Variants in FMNL2 observed in about 807,000 individuals in gnomAD.
The protein encoded by FMNL2 is formin-like protein 2.
In FMNL2, 51 loss-of-function variants were observed where a neutral mutation model predicts 130.2. The ratio of observed to expected loss-of-function variants is 0.39; its 90% CI spans 0.31 to 0.49. The LOEUF (loss-of-function observed/expected upper bound fraction) is 0.49. FMNL2 is among the 20% of genes least tolerant of loss of function. The probability of loss-of-function intolerance (pLI) is 0.85; values close to 1 mark genes in which losing one functional copy is unlikely to be tolerated. For missense variants in FMNL2, 977 were observed against 1,316.2 expected, an observed-to-expected ratio of 0.74 and a Z score of 3.99; for synonymous variants, 465 against 467.1, an observed-to-expected ratio of 1.00 and a Z score of 0.06.
Position 152,504,891 on chromosome 2 carries a change from C to G in FMNL2, c.118-17052C>G, listed in dbSNP as rs1240425932. ...GTTCTAGAAGGTGAATGCTGTCATT[C>G]ATGTTCATCTTAGGCCTTAAATGTA... is the stretch of plus-strand genomic sequence containing the variant. On this transcript the variant is annotated intron_variant, in intron 1 of 25. Transcript: ENST00000288670. Among the ~76,000 whole-genome samples the G allele has an allele frequency of 3.9e-5, 6 of 152,138 alleles. No individual in the cohort carries two copies. The East Asian group carries it at 1.2e-3, about 29-fold the overall frequency.
intron 1 of FMNL2, among the ~76,000 whole-genome samples, chr2:152,373,799 A>T (rs1684020159): frequency 6.9e-6 from 1 of 145,476 alleles, no homozygotes; most frequent in Non-Finnish European, 1.5e-5. Flanking sequence ...GGCTGACTGT[A>T]TTTTTTTTTT....
chr2:152,546,634 C>T (rs1449677133), intron 3 of FMNL2, among the ~76,000 whole-genome samples: 2 of 152,106 alleles, frequency 1.3e-5, no homozygotes, highest in Non-Finnish European at 2.9e-5. Flanking sequence ...GTCAGAAGTG[C>T]ACATAACACA....
At chr2:152,433,989 T>A (rs903038978) in intron 1 of FMNL2, among the ~76,000 whole-genome samples, 2 of 152,164 alleles carry the variant, frequency 1.3e-5, no homozygotes, top group Admixed American at 1.3e-4. Context: ...CTGGTACTAT[T>A]AATGTCATGC....
intron 23 of FMNL2, among the ~76,000 whole-genome samples, chr2:152,638,761 A>G (rs745539852): frequency 6.6e-6 from 1 of 152,212 alleles, no homozygotes; most frequent in Non-Finnish European, 1.5e-5. Flanking sequence ...TGGTAGCCCA[A>G]GCCCACTGGC....
At chr2:152,527,057 A>G (rs1482738020) in intron 2 of FMNL2, among the ~76,000 whole-genome samples, 1 of 152,154 alleles carries the variant, frequency 6.6e-6, no homozygotes, top group East Asian at 1.9e-4. Flanking sequence ...AAACTGGAGT[A>G]GACTTTTGTT....
rs1698868777 is a variant in FMNL2, at chr2:152,614,862, C to T, written c.1074C>T (p.His358=). ...GLDEYLDKLK[H]TESDKLQVQI... ...ATTCTGGTTTTTAGAAGCTGAAACA[C>T]ACTGAGAGTGACAAGCTTCAAGTCC... Residue 358 remains histidine, a synonymous_variant, in exon 12 of 26, where the codon CAC becomes CAT. Coordinates refer to ENST00000288670, the MANE Select transcript of FMNL2 (RefSeq NM_052905.4). The T allele has an allele frequency of 6.2e-7, 1 of 1,611,092 alleles. No homozygotes were observed. The highest frequency in any genetic ancestry group is 8.5e-7 in the Non-Finnish European group (1 of 1,179,222).
At chr2:152,471,489 G>C (rs114927775) in intron 1 of FMNL2, among the ~76,000 whole-genome samples, 1,602 of 152,222 alleles carry the variant, frequency 0.011, 32 homozygotes, top group African/African-American at 0.037. Flanking sequence ...ACTGCAGGGT[G>C]CCTTAAAAAA....
At chr2:152,379,838 A>G (rs1205004922) in intron 1 of FMNL2, among the ~76,000 whole-genome samples, 2 of 152,218 alleles carry the variant, frequency 1.3e-5, no homozygotes, top group African/African-American at 4.8e-5. Flanking sequence ...AACTTCCGCT[A>G]CCAGTTTCTA....
rs1025773322 is a variant in FMNL2 at position 152,506,428 on chromosome 2, T to A, written c.118-15515T>A. On this transcript the variant is annotated intron_variant, in intron 1 of 25. Coordinates refer to ENST00000288670, the MANE Select transcript of FMNL2 (RefSeq NM_052905.4). ...CTTTAAATCATGTCTAGATTACTTA[T>A]AATACCTGATATAGTATAAATGTTA... Among the ~76,000 whole-genome samples, 4 of 123,494 alleles carry A rather than the reference T, an allele frequency of 3.2e-5. No homozygotes were observed. In the East Asian group the frequency reaches 5.8e-4, roughly 18 times the overall value. 81.0% of individuals were successfully genotyped at this position (123,494 alleles called of 152,430 possible).
chr2:152,341,489 T>C lies in FMNL2; in HGVS notation c.117+5769T>C, dbSNP rs374638297. Among the ~76,000 whole-genome samples the C allele has an allele frequency of 1.4e-4, 22 of 152,314 alleles. No homozygotes were observed. The East Asian group carries it at 3.9e-3, about 27-fold the overall frequency. On this transcript the variant is annotated intron_variant, in intron 1 of 25. Coordinates refer to ENST00000288670, the MANE Select transcript of FMNL2 (RefSeq NM_052905.4). Reference sequence around the variant, plus strand: ...CGTAAGTGATAAGAAGTACTTTGGCTTGTGGCCTGTCATTTAGCATTGGCC... The same window carrying C: ...CGTAAGTGATAAGAAGTACTTTGGCCTGTGGCCTGTCATTTAGCATTGGCC...
At chr2:152,585,105 G>C (rs1050433855) in intron 9 of FMNL2, among the ~76,000 whole-genome samples, 3 of 152,160 alleles carry the variant, frequency 2.0e-5, no homozygotes, top group Non-Finnish European at 4.4e-5. Flanking sequence ...TGAGTGTATT[G>C]AGTAGATGAA....
intron 4 of FMNL2, among the ~76,000 whole-genome samples, chr2:152,554,761 T>C (rs979162332): frequency 2.0e-5 from 3 of 152,214 alleles, no homozygotes; most frequent in Non-Finnish European, 2.9e-5. Context: ...TGAGTAAATG[T>C]CTGCCACATA....
intron 1 of FMNL2, among the ~76,000 whole-genome samples, chr2:152,350,605 G>A (rs1250503347): frequency 1.3e-5 from 2 of 152,188 alleles, no homozygotes; most frequent in Non-Finnish European, 2.9e-5. Flanking sequence ...GAAGCTATAG[G>A]TTGACCTGGG....
intron 6 of FMNL2, among the ~76,000 whole-genome samples, chr2:152,567,364 C>G (rs1269327419): frequency 6.6e-6 from 1 of 152,160 alleles, no homozygotes; most frequent in African/African-American, 2.4e-5. Flanking sequence ...ATCTGGTCCT[C>G]TAATGGGACG....
intron 1 of FMNL2, among the ~76,000 whole-genome samples, chr2:152,472,117 A>G (rs574665866): frequency 5.3e-5 from 8 of 152,330 alleles, no homozygotes; most frequent in African/African-American, 1.9e-4. Flanking sequence ...GAGTGATTTC[A>G]TTGCTTCGAT....
chr2:152,514,603 A>G (rs894548270), intron 1 of FMNL2, among the ~76,000 whole-genome samples: 1 of 152,210 alleles, frequency 6.6e-6, no homozygotes, highest in Non-Finnish European at 1.5e-5. Flanking sequence ...CTTAAATAGT[A>G]CTGAAACTAA....
chr2:152,593,858 A>AGTGTGT (rs1697582954), intron 9 of FMNL2, among the ~76,000 whole-genome samples: 1 of 101,516 alleles, frequency 9.9e-6, no homozygotes, highest in African/African-American at 4.3e-5. Flanking sequence ...AGAGAGAGAG[A>AGTGTGT]GAGTGTGTGT....
At chr2:152,519,898 G>T (rs929710565) in intron 1 of FMNL2, among the ~76,000 whole-genome samples, 2 of 152,130 alleles carry the variant, frequency 1.3e-5, no homozygotes, top group African/African-American at 4.8e-5. Flanking sequence ...TAATCTTATT[G>T]TTCTTACTTA....
intron 1 of FMNL2, among the ~76,000 whole-genome samples, chr2:152,467,142 A>G (rs1014798684): frequency 6.6e-6 from 1 of 152,206 alleles, no homozygotes; most frequent in African/African-American, 2.4e-5. Flanking sequence ...TTTCCTGGGC[A>G]GAATCTCACT....
Sources: allele counts gnomAD v4.1 joint callset (sites outside exome capture counted in the v4.1 genomes callset), GRCh38; gene constraint gnomAD v4.1.1; transcripts MANE v1.5; gene names NCBI Gene and HGNC (gene_info 2026-07-23, HGNC 2026-07-21).